Variants in CCDC148 observed in about 807,000 individuals in gnomAD.
CCDC148 encodes the protein coiled-coil domain-containing protein 148.
CCDC148 carries 89 observed loss-of-function variants against 85.7 expected under a neutral mutation model. The ratio of observed to expected loss-of-function variants is 1.04; its 90% CI spans 0.87 to 1.24. CCDC148 has a LOEUF of 1.24. Among genes scored for constraint, CCDC148 ranks in the 50% most tolerant of loss-of-function variants. CCDC148 has a pLI of 0.00. For missense variants in CCDC148, 692 were observed against 671.7 expected, an observed-to-expected ratio of 1.03 and a Z score of -0.33; for synonymous variants, 230 against 213.9, an observed-to-expected ratio of 1.08 and a Z score of -0.66.
chr2:158,451,495 T>C (rs1482566967), intron 1 of CCDC148, among the ~76,000 whole-genome samples: 1 of 152,222 alleles, frequency 6.6e-6, no homozygotes, highest in Non-Finnish European at 1.5e-5. Context: ...ATAAATTATT[T>C]TTATTTTCCA....
intron 1 of CCDC148, among the ~76,000 whole-genome samples, chr2:158,452,348 A>G (rs762785679): frequency 7.2e-5 from 11 of 152,228 alleles, no homozygotes; most frequent in Non-Finnish European, 1.6e-4. Flanking sequence ...TATATGCATA[A>G]GCGTCCTCAA....
At chr2:158,317,085 C>T (rs1001782047) in intron 7 of CCDC148, among the ~76,000 whole-genome samples, 1 of 152,088 alleles carries the variant, frequency 6.6e-6, no homozygotes, top group African/African-American at 2.4e-5. Flanking sequence ...AGCTAAATTG[C>T]ACAGACAGTG....
At chr2:158,401,157 T>C (rs957854171) in intron 1 of CCDC148, among the ~76,000 whole-genome samples, 3 of 152,144 alleles carry the variant, frequency 2.0e-5, no homozygotes, top group Non-Finnish European at 2.9e-5. Context: ...TCCTGAAGGA[T>C]TTAGAACTAG....
At chr2:158,292,030 G>T (rs1373730989) in intron 9 of CCDC148, among the ~76,000 whole-genome samples, 1 of 152,020 alleles carries the variant, frequency 6.6e-6, no homozygotes, top group Non-Finnish European at 1.5e-5. Flanking sequence ...TTCATGCCCA[G>T]AAAGTTGATT....
intron 1 of CCDC148, among the ~76,000 whole-genome samples, chr2:158,365,818 G>A (rs1299662017): frequency 2.0e-5 from 3 of 151,952 alleles, no homozygotes; most frequent in African/African-American, 4.8e-5. Context: ...AAAAAAGGAA[G>A]AAAGCAAGGG....
rs563128757 is a variant in CCDC148, at chr2:158,307,249, GA to G, written c.1110+2183del. Among the ~76,000 whole-genome samples the G allele has an allele frequency of 4.9e-3, 742 of 152,112 alleles. 5 individuals are homozygous for G. The highest frequency in any genetic ancestry group is 0.017 in the African/African-American group (707 of 41,512). The stretch of plus-strand genomic sequence containing the variant: ...AGAAAAAAAAGCACAAAACCCAATA[GA>G]AAAATAGGCAAAAGACTTGAGTGGG... On this transcript the variant is annotated intron_variant, in intron 9 of 13. Coordinates refer to ENST00000283233, the MANE Select transcript of CCDC148 (RefSeq NM_138803.4).
At chr2:158,372,080 T>C (rs1238779724) in intron 1 of CCDC148, among the ~76,000 whole-genome samples, 1 of 152,016 alleles carries the variant, frequency 6.6e-6, no homozygotes, top group Non-Finnish European at 1.5e-5. Flanking sequence ...CCAGTTTCCA[T>C]GGGACTTCAG....
chr2:158,286,188 A>G (rs1397438332), intron 9 of CCDC148, among the ~76,000 whole-genome samples: 1 of 152,166 alleles, frequency 6.6e-6, no homozygotes, highest in Non-Finnish European at 1.5e-5. Context: ...TAAAGATTCT[A>G]TTTTCAATAG....
chr2:158,358,362 C>G, intron 2 of CCDC148, 87 bp downstream of exon 2: 1 of 1,465,166 alleles, frequency 6.8e-7, no homozygotes, highest in Admixed American at 2.2e-5. Flanking sequence ...TTTGGAATGT[C>G]ATTTATTTTC....
chr2:158,373,300 T>A (rs1684525242), intron 1 of CCDC148, among the ~76,000 whole-genome samples: 2 of 152,094 alleles, frequency 1.3e-5, no homozygotes, highest in South Asian at 4.1e-4. Flanking sequence ...AATACAGCCC[T>A]GCCCACAGCT....
rs138187399 is a variant in CCDC148, at chr2:158,357,746, T to TA, written c.147+702dup. ...TTGAAATAATAACAATTGCCTTCTA[T>TA]AAAAAAAGATATTAACAATAAAAGG... On this transcript the variant is annotated intron_variant, in intron 2 of 13. Coordinates refer to ENST00000283233, the MANE Select transcript of CCDC148 (RefSeq NM_138803.4). 7.0e-3 allele frequency among the ~76,000 whole-genome samples: 1,063 copies of TA among 152,158 alleles called. 15 individuals carry two copies. The highest frequency in any genetic ancestry group is 0.024 in the African/African-American group (1,013 of 41,510).
At chr2:158,191,150 G>A (rs542129967) in intron 11 of CCDC148, among the ~76,000 whole-genome samples, 1 of 152,030 alleles carries the variant, frequency 6.6e-6, no homozygotes, top group African/African-American at 2.4e-5. Flanking sequence ...CTGCTGAACC[G>A]AGAGGGCACT....
At position 158,340,598 on chromosome 2, in the gene CCDC148, CA is replaced by C. The variant is rs1229296600; in HGVS notation, c.333del (p.Phe111LeufsTer16). The C allele has an allele frequency of 6.4e-6, 10 of 1,574,574 alleles. No individual in the cohort carries two copies. Among genetic ancestry groups the C allele is most frequent in the African/African-American group, 1.4e-5 (1 of 73,530 alleles). On this transcript the variant is annotated frameshift_variant and splice_region_variant, in exon 4 of 14. Coordinates refer to ENST00000283233, the MANE Select transcript of CCDC148 (RefSeq NM_138803.4). LOFTEE classifies it high-confidence loss of function. Reference sequence around the variant, plus strand: ...AAATATAGGATCAAAAAAATCTTACCAAAATTTGTAAGGTCACAAAGACATT... The same window carrying C: ...AAATATAGGATCAAAAAAATCTTACCAAATTTGTAAGGTCACAAAGACATT... ...GNECLCDLTN[F>X]EQELSEQQCT...
At chr2:158,398,438 C>A (rs1178671504) in intron 1 of CCDC148, among the ~76,000 whole-genome samples, 1 of 152,148 alleles carries the variant, frequency 6.6e-6, no homozygotes, top group Non-Finnish European at 1.5e-5. Flanking sequence ...TCTTAGAATG[C>A]AGTGCGATCA....
In CCDC148 at chr2:158,218,175, G is replaced by A. The variant is rs563652283; in HGVS notation, c.1370+2420C>T. On this transcript the variant is annotated intron_variant, in intron 11 of 13. Transcript: ENST00000283233. ...ATAAGCACTGGACTCATAATTATCT[G>A]AATCTACAGCATTTTAACATACGAG... Among the ~76,000 whole-genome samples the A allele has an allele frequency of 2.0e-5, 3 of 152,242 alleles. No homozygotes were observed. The East Asian group carries it at 5.8e-4, about 29-fold the overall frequency.
chr2:158,199,866 C>T (rs1274210065), intron 11 of CCDC148, among the ~76,000 whole-genome samples: 1 of 152,182 alleles, frequency 6.6e-6, no homozygotes, highest in East Asian at 1.9e-4. Flanking sequence ...AAGATTGGTG[C>T]TTAAAGCATA....
intron 9 of CCDC148, among the ~76,000 whole-genome samples, chr2:158,266,063 T>C (rs1452127350): frequency 2.0e-5 from 3 of 152,198 alleles, no homozygotes; most frequent in African/African-American, 7.2e-5. Flanking sequence ...ATTTATCCCA[T>C]GTCAATCCAC....
At chr2:158,416,310 C>T (rs1686497564) in intron 1 of CCDC148, among the ~76,000 whole-genome samples, 1 of 152,160 alleles carries the variant, frequency 6.6e-6, no homozygotes, top group Admixed American at 6.5e-5. Flanking sequence ...AGGCATTTTC[C>T]CTATTTTCTT....
rs1692135434 is a variant in CCDC148, at chr2:158,313,518, C to A, written c.903+238G>T. 2.0e-5 allele frequency among the ~76,000 whole-genome samples: 3 copies of A among 152,000 alleles called. No individual in the cohort carries two copies. The South Asian group carries it at 6.2e-4, about 32-fold the overall frequency. ...GGGACCACAGTGAAGATCTCCGCAG[C>A]AAGTAGGCACAGAGAGTGACTTCTG... On this transcript the variant is annotated intron_variant, in intron 8 of 13. Transcript: ENST00000283233.
Sources: gnomAD v4.1 joint callset for allele counts (sites outside exome capture counted in the v4.1 genomes callset) on GRCh38, gnomAD v4.1.1 for gene constraint, MANE v1.5 for transcripts, NCBI Gene and HGNC (gene_info 2026-07-23, HGNC 2026-07-21) for gene names.